Variants in NOL4 observed in about 807,000 individuals in gnomAD.
NOL4 encodes nucleolar protein 4, also known as cancer/testis antigen 125.
A neutral mutation model predicts 75.9 loss-of-function variants in NOL4; 17 were observed. The ratio of observed to expected loss-of-function variants is 0.22; its 90% CI spans 0.15 to 0.34. The LOEUF is 0.34. Among genes scored for constraint, NOL4 ranks in the 10% least tolerant of loss-of-function variants. NOL4 has a pLI of 1.00. For missense variants in NOL4, 614 were observed against 793.5 expected, an observed-to-expected ratio of 0.77 and a Z score of 2.72; for synonymous variants, 292 against 289.9, an observed-to-expected ratio of 1.01 and a Z score of -0.07.
chr18:34,088,387 T>G (rs4239387), intron 5 of NOL4, among the ~76,000 whole-genome samples: 129,131 of 152,024 alleles, frequency 0.85, 54,952 homozygotes, highest in East Asian at 0.96. Flanking sequence ...AATCCATGCT[T>G]CCATAAATGA....
intron 8 of NOL4, among the ~76,000 whole-genome samples, chr18:33,946,632 A>G (rs1401999042): frequency 2.0e-5 from 3 of 151,812 alleles, no homozygotes; most frequent in Non-Finnish European, 4.4e-5. Flanking sequence ...AGGAAATTCA[A>G]TCACAGCTAA....
chr18:33,886,074 A>G (rs768836315), intron 9 of NOL4, among the ~76,000 whole-genome samples: 1 of 152,152 alleles, frequency 6.6e-6, no homozygotes, highest in Non-Finnish European at 1.5e-5. Flanking sequence ...GCCAAGTAAG[A>G]CAAACATTGC....
At chr18:33,955,845 AG>A (rs1431067978) in intron 8 of NOL4, among the ~76,000 whole-genome samples, 1 of 152,118 alleles carries the variant, frequency 6.6e-6, no homozygotes, top group African/African-American at 2.4e-5. Flanking sequence ...GCAACTATCT[AG>A]GTAATTTTTC....
chr18:34,192,510 G>C (rs575979608), intron 1 of NOL4, among the ~76,000 whole-genome samples: 2 of 152,112 alleles, frequency 1.3e-5, no homozygotes, highest in African/African-American at 2.4e-5. Flanking sequence ...AATAAAAACA[G>C]ACACACAGAC....
intron 9 of NOL4, among the ~76,000 whole-genome samples, chr18:33,929,044 G>C (rs898572147): frequency 6.6e-6 from 1 of 150,978 alleles, no homozygotes; most frequent in African/African-American, 2.4e-5. Context: ...CCACAGTATC[G>C]GGATCTCACT....
chr18:33,986,994 A>G (rs1189471434), intron 6 of NOL4, among the ~76,000 whole-genome samples: 2 of 152,098 alleles, frequency 1.3e-5, no homozygotes, highest in African/African-American at 4.8e-5. Context: ...AAAACAGGTT[A>G]GTGATTGTCA....
At chr18:34,059,148 T>TATATAC (rs1048056933) in intron 5 of NOL4, among the ~76,000 whole-genome samples, 1 of 135,024 alleles carries the variant, frequency 7.4e-6, no homozygotes, top group Non-Finnish European at 1.6e-5. Context: ...TATATATATA[T>TATATAC]ATATATATAC....
chr18:34,060,371 A>G (rs903574872), intron 5 of NOL4, among the ~76,000 whole-genome samples: 1 of 152,186 alleles, frequency 6.6e-6, no homozygotes, highest in Non-Finnish European at 1.5e-5. Flanking sequence ...ATTGCTTTAT[A>G]TGGTTGGGAA....
intron 9 of NOL4, among the ~76,000 whole-genome samples, chr18:33,921,476 A>C (rs1461265833): frequency 6.6e-6 from 1 of 152,216 alleles, no homozygotes; most frequent in East Asian, 1.9e-4. Context: ...GAATTGAAAA[A>C]AGGGACTTTG....
intron 10 of NOL4, among the ~76,000 whole-genome samples, chr18:33,868,113 T>C (rs1454529505): frequency 6.6e-6 from 1 of 151,664 alleles, no homozygotes; most frequent in Non-Finnish European, 1.5e-5. Flanking sequence ...TCATGACTCA[T>C]TGCAGCCTTG....
chr18:34,061,105 T>C (rs1455364283), intron 5 of NOL4, among the ~76,000 whole-genome samples: 1 of 152,102 alleles, frequency 6.6e-6, no homozygotes, highest in Non-Finnish European at 1.5e-5. Context: ...AAGGTTTATA[T>C]AAAACAAAAA....
intron 5 of NOL4, among the ~76,000 whole-genome samples, chr18:34,066,638 TTTTAA>T (rs1404074241): frequency 1.3e-5 from 2 of 151,834 alleles, no homozygotes; most frequent in Non-Finnish European, 2.9e-5. Flanking sequence ...AAACAAAATA[TTTTAA>T]TTTATTATAT....
chr18:33,885,727 G>C (rs1411185863), intron 9 of NOL4, among the ~76,000 whole-genome samples: 1 of 152,166 alleles, frequency 6.6e-6, no homozygotes. Flanking sequence ...TGGTGGGAAT[G>C]TAAATTAGTA....
intron 9 of NOL4, 128 bp downstream of exon 9, chr18:33,942,937 G>T: frequency 1.6e-6 from 1 of 608,666 alleles, no homozygotes. Flanking sequence ...CATATCATAA[G>T]GACACAAAAA....
At chr18:34,172,969 T>C (rs2146277433) in intron 1 of NOL4, among the ~76,000 whole-genome samples, 1 of 152,254 alleles carries the variant, frequency 6.6e-6, no homozygotes, top group Admixed American at 6.5e-5. Flanking sequence ...TTCAATGTTG[T>C]TGAATTTTTT....
At chr18:34,199,704 A>G (rs763364300) in intron 1 of NOL4, among the ~76,000 whole-genome samples, 2 of 151,900 alleles carry the variant, frequency 1.3e-5, no homozygotes, top group Non-Finnish European at 2.9e-5. Flanking sequence ...TTAGAGAACT[A>G]AAGATTTGAA....
intron 5 of NOL4, among the ~76,000 whole-genome samples, chr18:34,080,540 C>T (rs1318264865): frequency 6.6e-6 from 1 of 152,078 alleles, no homozygotes; most frequent in African/African-American, 2.4e-5. Flanking sequence ...CGGCATGCAC[C>T]AGGGCACACA....
chr18:34,199,140 G>A (rs1047039829), intron 1 of NOL4, among the ~76,000 whole-genome samples: 1 of 135,770 alleles, frequency 7.4e-6, no homozygotes, highest in Admixed American at 7.7e-5. Flanking sequence ...GCCTGGGACA[G>A]AGAAGTTTTT....
chr18:34,173,965 C>CA (rs2033299976), intron 1 of NOL4, among the ~76,000 whole-genome samples: 1 of 152,102 alleles, frequency 6.6e-6, no homozygotes, highest in African/African-American at 2.4e-5. Context: ...TAGGAGCCTC[C>CA]AATTAATGCC....
Sources: gnomAD v4.1 joint callset for allele counts (sites outside exome capture counted in the v4.1 genomes callset) on GRCh38, gnomAD v4.1.1 for gene constraint, MANE v1.5 for transcripts, NCBI Gene and HGNC (gene_info 2026-07-23, HGNC 2026-07-21) for gene names.